PFKFB3: variants seen among roughly 807,000 people sequenced by gnomAD.
PFKFB3 encodes the protein 6-phosphofructo-2-kinase/fructose-2,6-biphosphatase 3.
Under a neutral mutation model 68.0 loss-of-function variants are expected in PFKFB3, and 33 were observed. That is an observed-to-expected ratio of 0.49 (90% CI 0.37 to 0.65). The LOEUF (loss-of-function observed/expected upper bound fraction) is 0.65. PFKFB3 is among the 30% of genes least tolerant of loss of function. The pLI is 0.00. For missense variants in PFKFB3, 586 were observed against 712.2 expected (o/e 0.82, Z 2.02); for synonymous variants, 315 against 288.2 (o/e 1.09, Z -0.94).
At chr10:6,266,706 A>C in the PFKFB3 span, among the ~76,000 whole-genome samples, 1 of 152,258 alleles carries the variant, frequency 6.6e-6, no homozygotes, top group African/African-American at 2.4e-5. Flanking sequence ...TCTTTCACCC[A>C]GGACTGTCCA....
At position 6,220,513 on chromosome 10, in the gene PFKFB3, C is replaced by G; in HGVS notation, c.624-145C>G. The G allele has an allele frequency of 1.4e-6, 1 of 692,128 alleles. No individual in the cohort carries two copies. Among genetic ancestry groups the G allele is most frequent in the Admixed American group, 2.4e-5 (1 of 41,930 alleles). 42.9% of individuals were successfully genotyped at this position (692,128 alleles called of 1,614,324 possible). On this transcript the variant is annotated intron_variant, in intron 7 of 14. Coordinates refer to ENST00000379775, the MANE Select transcript of PFKFB3 (RefSeq NM_004566.4). This position sits in a 1 kb window ranked among gnomAD's most constrained non-coding sequence, Gnocchi z 4.1. ...AGTTGTCTTACGCATATGCTCTGCC[C>G]CTTAGAAGGATTCAGTCTGTGCCCT...
At chr10:6,238,974 G>A (rs1344441025), downstream of PFKFB3, among the ~76,000 whole-genome samples, 1 of 152,124 alleles carries the variant, frequency 6.6e-6, no homozygotes, top group Non-Finnish European at 1.5e-5. Context: ...TATCATTGAT[G>A]GGCATTTGGG....
At chr10:6,302,763 C>T in the PFKFB3 span, among the ~76,000 whole-genome samples, 1 of 143,624 alleles carries the variant, frequency 7.0e-6, no homozygotes, top group Non-Finnish European at 1.6e-5. Flanking sequence ...CACACACACA[C>T]ACACACACAC....
At chr10:6,217,322 G>A (rs10906022) in intron 6 of PFKFB3, 131 bp downstream of exon 6, 513,256 of 811,884 alleles carry the variant, frequency 0.63, 169,300 homozygotes, top group Non-Finnish European at 0.69. Context: ...CCCCCAGCTG[G>A]CTGTTGATTG....
At chr10:6,177,389 T>TTTCTTTTTCTTTC (rs1554842898) in intron 1 of PFKFB3, among the ~76,000 whole-genome samples, 2 of 122,968 alleles carry the variant, frequency 1.6e-5, no homozygotes, top group African/African-American at 2.8e-5. Context: ...TCTTTCTTTC[T>TTTCTTTTTCTTTC]TTCTTTCTTT....
chr10:6,286,439 A>T, the PFKFB3 span, among the ~76,000 whole-genome samples: 1 of 151,700 alleles, frequency 6.6e-6, no homozygotes, highest in African/African-American at 2.4e-5. Context: ...GTGGAGTGGC[A>T]TGATCTCAGC....
chr10:6,146,190 T>C (rs118117406), intron 1 of PFKFB3: 15 of 1,406,542 alleles, frequency 1.1e-5, no homozygotes, highest in Non-Finnish European at 1.2e-5. Flanking sequence ...CTGTGCCGTC[T>C]CTCCCTTCCC....
rs12775327 is a variant in PFKFB3 at position 6,206,550 on chromosome 10, C to T, written c.76+3214C>T. On this transcript the variant is annotated intron_variant, in intron 1 of 14. Transcript: ENST00000379775. ...GCGGCCGGGCAGAGGCGCCCCTCAC[C>T]TCCCGGACGGGGCGGCTGGCCGGGC... Among the ~76,000 whole-genome samples the T allele has an allele frequency of 4.6e-4, 42 of 90,826 alleles. 1 individual carries two copies. Among genetic ancestry groups the T allele is most frequent in the African/African-American group, 1.1e-3 (22 of 19,796 alleles). 59.6% of individuals were successfully genotyped at this position (90,826 alleles called of 152,430 possible). A position where few individuals can be genotyped will look rare whatever the true frequency, so the allele number is the denominator to read the frequency against.
chr10:6,184,474 A>G (rs1187133112), intron 1 of PFKFB3, among the ~76,000 whole-genome samples: 1 of 150,714 alleles, frequency 6.6e-6, no homozygotes, highest in Non-Finnish European at 1.5e-5. Flanking sequence ...TCTTTTTTTT[A>G]TTTTGTATTT....
At chr10:6,249,261 TA>T (rs1478612499) in intron 14 of PFKFB3, among the ~76,000 whole-genome samples, 1 of 149,568 alleles carries the variant, frequency 6.7e-6, no homozygotes, top group African/African-American at 2.5e-5. Context: ...GTACAGCCAC[TA>T]TGAAAAATTG....
intron 1 of PFKFB3, among the ~76,000 whole-genome samples, chr10:6,211,550 G>GA (rs1337053197): frequency 6.6e-6 from 1 of 152,154 alleles, no homozygotes; most frequent in Non-Finnish European, 1.5e-5. Flanking sequence ...GAATGACCCT[G>GA]GGCACGGTGG....
intron 1 of PFKFB3, among the ~76,000 whole-genome samples, chr10:6,164,528 G>C (rs1842071714): frequency 6.6e-6 from 1 of 152,228 alleles, no homozygotes; most frequent in South Asian, 2.1e-4. Flanking sequence ...TTTCTCGTCA[G>C]GTGGGAGGAG....
intron 1 of PFKFB3, chr10:6,146,554 C>G: frequency 2.0e-6 from 3 of 1,464,920 alleles, no homozygotes; most frequent in South Asian, 2.4e-5. Context: ...AGTGTCCCTC[C>G]CCCCCTACTC....
At chr10:6,296,727 A>G in the PFKFB3 span, among the ~76,000 whole-genome samples, 1 of 152,214 alleles carries the variant, frequency 6.6e-6, no homozygotes, top group African/African-American at 2.4e-5. Flanking sequence ...ATGCTAATGC[A>G]TTATAATTAG....
upstream of PFKFB3, among the ~76,000 whole-genome samples, chr10:6,199,760 C>G (rs1049336913): frequency 6.7e-6 from 1 of 148,706 alleles, no homozygotes; most frequent in Non-Finnish European, 1.5e-5. Flanking sequence ...CTGAGCCACC[C>G]AAAGTGCTGG....
the PFKFB3 span, among the ~76,000 whole-genome samples, chr10:6,319,477 G>C: frequency 6.6e-5 from 10 of 152,246 alleles, no homozygotes; most frequent in South Asian, 1.7e-3. Flanking sequence ...GACATAGAAA[G>C]TAAAATAATA....
chr10:6,183,224 G>C (rs7911111), intron 1 of PFKFB3, among the ~76,000 whole-genome samples: 67,347 of 151,996 alleles, frequency 0.44, 15,463 homozygotes, highest in African/African-American at 0.57. Context: ...GAACAGCTGC[G>C]GAATGGCTTG....
intron 8 of PFKFB3, 115 bp from the exon 9 acceptor site, chr10:6,221,266 C>A (rs1844938050): frequency 7.7e-7 from 1 of 1,297,134 alleles, no homozygotes; most frequent in Admixed American, 2.4e-5. Context: ...TGGCCTGGGG[C>A]CCCCACGGTG....
the PFKFB3 span, chr10:6,293,585 A>C: frequency 4.9e-6 from 1 of 202,302 alleles, no homozygotes; most frequent in Non-Finnish European, 1.0e-5. Flanking sequence ...ACATAAGGTG[A>C]TCTGCCTGCC....
Sources: gnomAD v4.1 joint callset for allele counts (sites outside exome capture counted in the v4.1 genomes callset) on GRCh38, gnomAD v4.1.1 for gene constraint, Gnocchi (gnomAD v3.1) non-coding constraint, MANE v1.5 for transcripts, NCBI Gene and HGNC (gene_info 2026-07-23, HGNC 2026-07-21) for gene names.